Variants in FAM13A observed in about 807,000 individuals in gnomAD.
FAM13A encodes protein FAM13A.
A neutral mutation model predicts 129.6 loss-of-function variants in FAM13A; 76 were observed. The observed-to-expected ratio is 0.59, with a 90% CI of 0.49 to 0.71. The LOEUF (loss-of-function observed/expected upper bound fraction) is 0.71, where lower values mean the gene tolerates loss of function less well. Ranked by LOEUF, FAM13A falls within the 30% of genes least tolerant of loss-of-function variation. FAM13A has a pLI of 0.00. For synonymous variants in FAM13A, 443 were observed against 449.9 expected (o/e 0.98, Z 0.20); for missense variants, 1,108 against 1,249.3 (o/e 0.89, Z 1.70).
intron 22 of FAM13A, chr4:88,731,746 G>A: frequency 1.9e-6 from 1 of 525,786 alleles, no homozygotes; most frequent in Non-Finnish European, 3.3e-6. Context: ...GATGGGCTGT[G>A]ATGTACAGAA....
chr4:89,014,923 G>T (rs1468532242), intron 3 of FAM13A, among the ~76,000 whole-genome samples: 1 of 152,204 alleles, frequency 6.6e-6, no homozygotes, highest in African/African-American at 2.4e-5. Flanking sequence ...GAGCTGGGCA[G>T]AACAGAGCCA....
intron 7 of FAM13A, among the ~76,000 whole-genome samples, chr4:88,822,303 CT>C (rs1315505913): frequency 6.6e-6 from 1 of 152,076 alleles, no homozygotes; most frequent in African/African-American, 2.4e-5. Flanking sequence ...TCATAAGACC[CT>C]TTGTTTAAAT....
At chr4:89,007,693 T>C (rs1252766686) in intron 3 of FAM13A, among the ~76,000 whole-genome samples, 1 of 152,232 alleles carries the variant, frequency 6.6e-6, no homozygotes, top group Admixed American at 6.5e-5. Flanking sequence ...GGTAAGTAAC[T>C]TGGCCATACT....
intron 4 of FAM13A, among the ~76,000 whole-genome samples, chr4:88,974,864 T>C (rs536395301): frequency 9.9e-5 from 15 of 152,284 alleles, no homozygotes; most frequent in East Asian, 3.9e-4. Flanking sequence ...TTCTCGGGCA[T>C]AGACATTCAT....
intron 13 of FAM13A, among the ~76,000 whole-genome samples, chr4:88,766,626 G>A (rs576298819): frequency 6.6e-6 from 1 of 152,186 alleles, no homozygotes; most frequent in Admixed American, 6.5e-5. Context: ...TGATTTTTAA[G>A]CTGCTATGCT....
At chr4:88,880,173 G>A (rs1263271178) in intron 6 of FAM13A, among the ~76,000 whole-genome samples, 1 of 152,126 alleles carries the variant, frequency 6.6e-6, no homozygotes, top group Admixed American at 6.6e-5. Flanking sequence ...CAGGGACATA[G>A]CAGGAAAGCC....
At chr4:89,020,779 C>A in intron 2 of FAM13A, 110 bp from the exon 3 acceptor site, 1 of 693,132 alleles carries the variant, frequency 1.4e-6, no homozygotes, top group South Asian at 1.8e-5. Flanking sequence ...TCTCTCAACA[C>A]TGTAATTATC....
intron 3 of FAM13A, among the ~76,000 whole-genome samples, chr4:88,994,594 C>A (rs1399081472): frequency 6.6e-6 from 1 of 152,078 alleles, no homozygotes; most frequent in Non-Finnish European, 1.5e-5. Context: ...AATTCCAGCA[C>A]TTTAGGAGGC....
intron 6 of FAM13A, among the ~76,000 whole-genome samples, chr4:88,886,321 G>A (rs1009855584): frequency 6.6e-6 from 1 of 152,220 alleles, no homozygotes; most frequent in Admixed American, 6.5e-5. Context: ...GGGTGTGGTG[G>A]CTCACACCTG....
chr4:88,830,012 A>ATG (rs1351424222), intron 7 of FAM13A, among the ~76,000 whole-genome samples: 6 of 152,272 alleles, frequency 3.9e-5, no homozygotes, highest in Non-Finnish European at 7.4e-5. Flanking sequence ...TTATATTTAT[A>ATG]TGTGTGTGTG....
chr4:88,801,719 A>G (rs142908573), intron 8 of FAM13A, among the ~76,000 whole-genome samples: 1 of 152,282 alleles, frequency 6.6e-6, no homozygotes, highest in African/African-American at 2.4e-5. Flanking sequence ...TATGCAAGTT[A>G]TATGTATAAT....
At chr4:88,976,965 G>A (rs1761003420) in intron 4 of FAM13A, among the ~76,000 whole-genome samples, 1 of 152,254 alleles carries the variant, frequency 6.6e-6, no homozygotes, top group Middle Eastern at 3.4e-3. Context: ...TAGGTGTGTA[G>A]TAGACTATAC....
intron 4 of FAM13A, among the ~76,000 whole-genome samples, chr4:88,966,186 C>T (rs1303324975): frequency 1.3e-5 from 2 of 152,100 alleles, no homozygotes; most frequent in Non-Finnish European, 2.9e-5. Context: ...TTATTAAATT[C>T]TAATTAGTTA....
At position 88,741,239 on chromosome 4, in the gene FAM13A, C is replaced by G. The variant is rs561859605; in HGVS notation, c.2467-2114G>C. The stretch of plus-strand genomic sequence containing the variant: ...TATAATCCCAAACTGGAAATAGTCC[C>G]AAACCAGAAATTGCCCATATGCCCA... On this transcript the variant is annotated intron_variant, in intron 19 of 23. Coordinates refer to ENST00000264344, the MANE Select transcript of FAM13A (RefSeq NM_014883.4). Among the ~76,000 whole-genome samples the G allele has an allele frequency of 2.6e-5, 4 of 152,266 alleles. No homozygotes were observed. The East Asian group carries it at 7.7e-4, about 29-fold the overall frequency.
intron 1 of FAM13A, among the ~76,000 whole-genome samples, chr4:89,030,918 G>A (rs990088750): frequency 2.0e-5 from 3 of 152,090 alleles, no homozygotes; most frequent in African/African-American, 7.2e-5. Flanking sequence ...AATCAGGTCA[G>A]CTTTTACTAA....
At chr4:88,874,800 C>A (rs973124961) in intron 6 of FAM13A, among the ~76,000 whole-genome samples, 1 of 152,168 alleles carries the variant, frequency 6.6e-6, no homozygotes, top group Non-Finnish European at 1.5e-5. Flanking sequence ...CTTTAAAGTT[C>A]ATATGGAACC....
At chr4:88,975,526 CTT>C (rs1760779621) in intron 4 of FAM13A, among the ~76,000 whole-genome samples, 1 of 152,146 alleles carries the variant, frequency 6.6e-6, no homozygotes, top group Non-Finnish European at 1.5e-5. Context: ...CAAGATTACT[CTT>C]GAGTAAGACA....
At chr4:88,851,777 G>T (rs1187619486) in intron 6 of FAM13A, among the ~76,000 whole-genome samples, 5 of 152,128 alleles carry the variant, frequency 3.3e-5, no homozygotes, top group Non-Finnish European at 7.4e-5. Context: ...ATCTTGGAAT[G>T]CATGGGTAAT....
chr4:88,869,562 G>A (rs992652149), intron 6 of FAM13A, among the ~76,000 whole-genome samples: 3 of 152,190 alleles, frequency 2.0e-5, no homozygotes, highest in African/African-American at 7.2e-5. Flanking sequence ...CTTCCCTGAT[G>A]TATCAGCTTA....
Sources: gnomAD v4.1 joint callset for allele counts (sites outside exome capture counted in the v4.1 genomes callset) on GRCh38, gnomAD v4.1.1 for gene constraint, MANE v1.5 for transcripts, NCBI Gene and HGNC (gene_info 2026-07-23, HGNC 2026-07-21) for gene names.